Variants in SLC61A1 observed in about 807,000 individuals in gnomAD.
SLC61A1 encodes solute carrier family 61 member 1.
At chr12:53,251,795 G>A in the SLC61A1 span, 6 of 1,537,310 alleles carry the variant, frequency 3.9e-6, no homozygotes, top group East Asian at 1.5e-4. Context: ...TCGGGCAGCG[G>A]TGCTGTTCCT....
the SLC61A1 span, chr12:53,252,278 A>G: frequency 5.0e-6 from 7 of 1,393,442 alleles, 1 homozygote; most frequent in South Asian, 1.1e-4. Context: ...GGTGAGGCGG[A>G]GTCTGGGCGA....
the SLC61A1 span, chr12:53,252,733 G>A: frequency 1.4e-5 from 20 of 1,457,472 alleles, no homozygotes; most frequent in East Asian, 3.9e-4. Flanking sequence ...GCGGGGTTGG[G>A]TGGAGCTGCC....
the SLC61A1 span, chr12:53,252,172 C>G: frequency 7.0e-7 from 1 of 1,425,274 alleles, no homozygotes; most frequent in Non-Finnish European, 9.1e-7. Context: ...GGGAGCGCTG[C>G]TGGAACCCGA....
chr12:53,252,719 G>T, the SLC61A1 span: 9 of 1,371,338 alleles, frequency 6.6e-6, no homozygotes, highest in Admixed American at 2.5e-5. Context: ...GAGTGGAGTT[G>T]GCAGCGGGGT....
At chr12:53,252,902 A>G in the SLC61A1 span, 5 of 1,614,024 alleles carry the variant, frequency 3.1e-6, no homozygotes, top group Admixed American at 3.3e-5. Flanking sequence ...GGAACTGTCA[A>G]GATGCCGGGC....
chr12:53,251,857 A>G, the SLC61A1 span: 1 of 1,537,304 alleles, frequency 6.5e-7, no homozygotes, highest in East Asian at 2.4e-5. Flanking sequence ...TTTCCCGAGC[A>G]CTGCACGGAA....
the SLC61A1 span, chr12:53,251,685 C>A: frequency 6.7e-7 from 1 of 1,491,558 alleles, no homozygotes; most frequent in Non-Finnish European, 8.9e-7. Flanking sequence ...AAGTTCTTTA[C>A]ACCACACCGC....
At chr12:53,251,696 C>A in the SLC61A1 span, 1 of 1,503,760 alleles carries the variant, frequency 6.6e-7, no homozygotes, top group South Asian at 1.3e-5. Context: ...ACCACACCGC[C>A]TCCCTCAGGT....
At chr12:53,253,444 C>G in the SLC61A1 span, 12 of 1,614,008 alleles carry the variant, frequency 7.4e-6, no homozygotes, top group Non-Finnish European at 1.0e-5. Context: ...CTGTAGCGCC[C>G]TTTGTGGCTG....
the SLC61A1 span, chr12:53,252,566 C>T: frequency 2.2e-6 from 3 of 1,365,548 alleles, no homozygotes; most frequent in South Asian, 1.7e-5. Flanking sequence ...GGGACTCCCT[C>T]TTCACAGGCA....
the SLC61A1 span, chr12:53,253,188 G>A: frequency 1.9e-6 from 3 of 1,614,128 alleles, no homozygotes; most frequent in Non-Finnish European, 2.5e-6. Context: ...TACTCACTAT[G>A]CTGCTTAACC....
chr12:53,251,480 T>C, the SLC61A1 span: 1 of 500,218 alleles, frequency 2.0e-6, no homozygotes, highest in Non-Finnish European at 3.5e-6. Flanking sequence ...TGGCAGAAGG[T>C]AGGGAATTAA....
chr12:53,251,289 G>C, the SLC61A1 span: 1 of 167,574 alleles, frequency 6.0e-6, no homozygotes, highest in Non-Finnish European at 1.3e-5. Flanking sequence ...GGGAGGGAGA[G>C]GAGCAGGGGA....
the SLC61A1 span, chr12:53,253,098 C>T: frequency 6.2e-7 from 1 of 1,614,272 alleles, no homozygotes; most frequent in Non-Finnish European, 8.5e-7. Context: ...CTTGCCTCTA[C>T]AGTCCTCTTT....
At chr12:53,252,811 T>C in the SLC61A1 span, 1 of 1,612,378 alleles carries the variant, frequency 6.2e-7, no homozygotes, top group South Asian at 1.1e-5. Context: ...CCCACCTCTC[T>C]TCCCAGGTCG....
the SLC61A1 span, chr12:53,252,578 G>C: frequency 7.4e-7 from 1 of 1,345,628 alleles, no homozygotes; most frequent in Non-Finnish European, 9.8e-7. Context: ...TCACAGGCAA[G>C]GATGGGTTGA....
chr12:53,251,855 G>A, the SLC61A1 span: 1 of 1,537,310 alleles, frequency 6.5e-7, no homozygotes, highest in Non-Finnish European at 8.7e-7. Flanking sequence ...TCTTTCCCGA[G>A]CACTGCACGG....
the SLC61A1 span, chr12:53,253,239 C>T: frequency 6.2e-7 from 1 of 1,614,244 alleles, no homozygotes; most frequent in South Asian, 1.1e-5. Flanking sequence ...GTGGGGCGAG[C>T]ACTTGGTGGG....
At chr12:53,251,609 C>A in the SLC61A1 span, 4 of 1,039,110 alleles carry the variant, frequency 3.8e-6, no homozygotes, top group Non-Finnish European at 5.4e-6. Context: ...GCGGCTTGCC[C>A]AAGGCCACAC....
Sources: gnomAD v4.1 joint callset for allele counts on GRCh38, gnomAD v4.1.1 for gene constraint, MANE v1.5 for transcripts, NCBI Gene and HGNC (gene_info 2026-07-23, HGNC 2026-07-21) for gene names.